DNTTIP1: variants seen among roughly 807,000 people sequenced by gnomAD.
DNTTIP1 encodes the protein deoxynucleotidyltransferase terminal interacting protein 1, also known as deoxynucleotidyltransferase terminal-interacting protein 1.
Under a neutral mutation model 52.9 loss-of-function variants are expected in DNTTIP1, and 22 were observed. The ratio of observed to expected loss-of-function variants is 0.42; its 90% CI spans 0.30 to 0.59. DNTTIP1 has a LOEUF of 0.59. DNTTIP1 is among the 20% of genes least tolerant of loss of function. The probability of loss-of-function intolerance (pLI) is 0.22; values close to 1 mark genes in which losing one functional copy is unlikely to be tolerated. For missense variants in DNTTIP1, 286 were observed against 435.5 expected (o/e 0.66, Z 3.06); for synonymous variants, 136 against 155.1 (o/e 0.88, Z 0.92).
chr20:45,800,949 GT>G, intron 4 of DNTTIP1, 124 bp from the exon 5 acceptor site: 1 of 775,284 alleles, frequency 1.3e-6, no homozygotes. Context: ...AGCCAAGATG[GT>G]GCTGCTGCAC....
chr20:45,801,174 C>G (rs1406390523), intron 5 of DNTTIP1, 32 bp downstream of exon 5: 2 of 1,604,140 alleles, frequency 1.2e-6, no homozygotes, highest in Non-Finnish European at 1.7e-6. Context: ...GGTATTGGAG[C>G]GGGAGGTCCT....
chr20:45,801,094 T>C lies in DNTTIP1; in HGVS notation c.393T>C (p.Asp131=). ...CLEQAKLLFS[D]GEKVIPRLTH... is the part of the protein sequence containing the mutation. ...TTCAGGCTAAACTGCTCTTTTCAGA[T>C]GGAGAAAAAGTAATACCCAGATTGA... Residue 131 remains aspartate, a synonymous_variant, in exon 5 of 13, where the codon GAT becomes GAC. Coordinates refer to ENST00000372622, the MANE Select transcript of DNTTIP1 (RefSeq NM_052951.3). 1 of 1,613,932 alleles carries C rather than the reference T, an allele frequency of 6.2e-7. No homozygotes were observed. The highest frequency in any genetic ancestry group is 8.5e-7 in the Non-Finnish European group (1 of 1,179,970).
rs756045191 is a variant in DNTTIP1 at position 45,792,041 on chromosome 20, C to G, written c.37C>G (p.Pro13Ala). The G allele has an allele frequency of 7.0e-6, 9 of 1,278,770 alleles. No individual in the cohort carries two copies. The allele number at this position is 1,278,770 out of a possible 1,614,324, so 79.2% of individuals were successfully genotyped here. Reference sequence around the variant, plus strand: ...TGGCGACGCCGAGCAGCCGCGGGGACCTAGCGGGGCCGAGAGGGGCGGCTT... The same window carrying G: ...TGGCGACGCCGAGCAGCCGCGGGGAGCTAGCGGGGCCGAGAGGGGCGGCTT... ...ATGDAEQPRGPSGAERGGLEL... is the reference protein window; with the variant it reads ...ATGDAEQPRGASGAERGGLEL... Residue 13 changes from proline (P) to alanine (A), a missense_variant, in exon 1 of 13, where the codon CCT becomes GCT. By Grantham distance (27) the Pro-to-Ala change is conservative (BLOSUM62 -1). Transcript: ENST00000372622.
intron 7 of DNTTIP1, among the ~76,000 whole-genome samples, chr20:45,802,833 CCA>C (rs1390657315): frequency 6.7e-6 from 1 of 149,044 alleles, no homozygotes; most frequent in African/African-American, 2.6e-5. Context: ...ACCCCCAACC[CCA>C]CTTTTTAAAA....
chr20:45,807,295 T>A (rs1338345968), intron 10 of DNTTIP1, among the ~76,000 whole-genome samples: 1 of 151,960 alleles, frequency 6.6e-6, no homozygotes, highest in Non-Finnish European at 1.5e-5. Flanking sequence ...CTAATTTTTG[T>A]ATTTTTAGTA....
chr20:45,801,109 A>T lies in DNTTIP1; in HGVS notation c.408A>T (p.Ile136=). Residue 136 remains isoleucine, a synonymous_variant, in exon 5 of 13, where the codon ATA becomes ATT. Coordinates refer to ENST00000372622, the MANE Select transcript of DNTTIP1 (RefSeq NM_052951.3). ...KLLFSDGEKV[I]PRLTHELPGI... is the part of the protein sequence containing the mutation. ...TCTTTTCAGATGGAGAAAAAGTAAT[A>T]CCCAGATTGACCCATGAGCTTCCAG... 1 of 1,613,972 alleles carries T rather than the reference A, an allele frequency of 6.2e-7. No individual in the cohort carries two copies. The highest frequency in any genetic ancestry group is 8.5e-7 in the Non-Finnish European group (1 of 1,179,974).
chr20:45,800,133 A>G (rs1981378309), intron 4 of DNTTIP1, among the ~76,000 whole-genome samples: 1 of 151,934 alleles, frequency 6.6e-6, no homozygotes, highest in African/African-American at 2.4e-5. Context: ...AAAAAAAAGA[A>G]AAAAGAAAAA....
intron 4 of DNTTIP1, among the ~76,000 whole-genome samples, chr20:45,800,748 T>C (rs1981437061): frequency 9.7e-6 from 1 of 102,768 alleles, no homozygotes; most frequent in South Asian, 3.3e-4. Context: ...TATATATATA[T>C]ATATATATTT....
intron 4 of DNTTIP1, among the ~76,000 whole-genome samples, chr20:45,797,654 A>G (rs1172083761): frequency 1.3e-5 from 2 of 152,238 alleles, no homozygotes; most frequent in African/African-American, 4.8e-5. Context: ...AAGCAACCCC[A>G]TCAACAAGTG....
intron 8 of DNTTIP1, among the ~76,000 whole-genome samples, chr20:45,804,353 A>C (rs554985702): frequency 6.6e-6 from 1 of 152,024 alleles, no homozygotes; most frequent in African/African-American, 2.4e-5. Flanking sequence ...CCTTCTGTTC[A>C]TCCTTACTGC....
intron 8 of DNTTIP1, 71 bp from the exon 9 acceptor site, chr20:45,805,075 G>C: frequency 1.5e-6 from 2 of 1,318,262 alleles, no homozygotes; most frequent in South Asian, 1.2e-5. Context: ...AAAAGGGTAG[G>C]GGGAGGAGTG....
intron 4 of DNTTIP1, chr20:45,796,482 G>T (rs769286818): frequency 2.1e-6 from 1 of 470,908 alleles, no homozygotes; most frequent in South Asian, 1.5e-5. Context: ...AAGTTATCAT[G>T]GCCCCATTTG....
At position 45,795,434 on chromosome 20, in the gene DNTTIP1, C is replaced by T; in HGVS notation, c.363C>T (p.Cys121=). ...TGATCCAGGAAGCCTGTCGGAGCTG[C>T]CTGGAGCAGGTGAGACCAAAGGGGA... The part of the protein sequence containing the change: ...EQLIQEACRS[C]LEQAKLLFSD... Residue 121 remains cysteine (C), a synonymous_variant, in exon 4 of 13, where the codon TGC becomes TGT. Coordinates refer to ENST00000372622, the MANE Select transcript of DNTTIP1 (RefSeq NM_052951.3). The T allele has an allele frequency of 6.2e-7, 1 of 1,605,510 alleles. No homozygotes were observed. Among genetic ancestry groups the T allele is most frequent in the Non-Finnish European group, 8.5e-7 (1 of 1,175,444 alleles).
intron 10 of DNTTIP1, 115 bp from the exon 11 acceptor site, chr20:45,808,999 C>CT: frequency 1.1e-6 from 1 of 888,118 alleles, no homozygotes; most frequent in Non-Finnish European, 1.8e-6. Context: ...GTCCACCACG[C>CT]TTGGAGACAA....
At chr20:45,798,233 C>G (rs1981306451) in intron 4 of DNTTIP1, among the ~76,000 whole-genome samples, 1 of 148,248 alleles carries the variant, frequency 6.7e-6, no homozygotes. Context: ...ATCACAAGGA[C>G]AAAAAACCAA....
chr20:45,811,144 A>G lies in DNTTIP1; in HGVS notation c.939A>G (p.Thr313=). Residue 313 remains threonine, a synonymous_variant, in exon 13 of 13, where the codon ACA becomes ACG. Transcript: ENST00000372622. Reference sequence around the variant, plus strand: ...AGAAGATGAGAAAGTATATGGAGACACTACGGACAGAGAATGAGCATCGTG... The same window carrying G: ...AGAAGATGAGAAAGTATATGGAGACGCTACGGACAGAGAATGAGCATCGTG... ...MVEKMRKYME[T]LRTENEHRAV... is the part of the protein sequence containing the mutation. 1 of 1,614,170 alleles carries G rather than the reference A, an allele frequency of 6.2e-7. No homozygotes were observed. Among genetic ancestry groups the G allele is most frequent in the Non-Finnish European group, 8.5e-7 (1 of 1,180,002 alleles).
chr20:45,808,571 C>T (rs1290735272), intron 10 of DNTTIP1, among the ~76,000 whole-genome samples: 3 of 151,918 alleles, frequency 2.0e-5, no homozygotes, highest in African/African-American at 2.4e-5. Flanking sequence ...ACCCAGGAGG[C>T]GGAGGTTGTG....
Position 45,792,451 on chromosome 20 carries a change from C to T in DNTTIP1, c.106-226C>T, listed in dbSNP as rs1013380449. ...CCCTCGGTAAATACTGCTTCCCTTC[C>T]TCCTGCCGTGCCAGAAGGCAGGGTC... On this transcript the variant is annotated intron_variant, in intron 1 of 12. Transcript: ENST00000372622. The T allele has an allele frequency of 9.9e-6, 5 of 503,954 alleles. No homozygotes were observed. In the East Asian group the frequency reaches 1.3e-4, roughly 13 times the overall value. 31.2% of individuals were successfully genotyped at this position (503,954 alleles called of 1,614,324 possible). A position where few individuals can be genotyped will look rare whatever the true frequency, so the allele number is the denominator to read the frequency against.
chr20:45,806,070 C>G (rs1427606236), intron 10 of DNTTIP1, among the ~76,000 whole-genome samples: 1 of 144,430 alleles, frequency 6.9e-6, no homozygotes, highest in Non-Finnish European at 1.5e-5. Context: ...TAAAATAACT[C>G]TGGGGTCTGG....
Sources: gnomAD v4.1 joint callset for allele counts (sites outside exome capture counted in the v4.1 genomes callset) on GRCh38, gnomAD v4.1.1 for gene constraint, MANE v1.5 for transcripts, NCBI Gene and HGNC (gene_info 2026-07-23, HGNC 2026-07-21) for gene names.